The following PEX14 variants were observed in gnomAD, a reference collection of about 807,000 sequenced individuals.
PEX14 encodes the protein peroxisomal membrane protein PEX14.
PEX14 carries 15 observed loss-of-function variants against 49.5 expected under a neutral mutation model. The ratio of observed to expected loss-of-function variants is 0.30; its 90% CI spans 0.20 to 0.47. The LOEUF (loss-of-function observed/expected upper bound fraction) is 0.47, where lower values mean the gene tolerates loss of function less well. PEX14 is among the 20% of genes least tolerant of loss of function. PEX14 has a pLI of 1.00. For missense variants in PEX14, 398 were observed against 494.8 expected, an observed-to-expected ratio of 0.80 and a Z score of 1.86; for synonymous variants, 210 against 212.7, an observed-to-expected ratio of 0.99 and a Z score of 0.11.
Position 10,629,652 on chromosome 1 carries a change from G to T in PEX14, c.799G>T (p.Val267Phe). 3.1e-6 allele frequency: 5 copies of T among 1,613,992 alleles called. No homozygotes were observed. The highest frequency in any genetic ancestry group is 4.2e-6 in the Non-Finnish European group (5 of 1,179,968). Residue 267 changes from valine (V) to phenylalanine (F), a missense_variant, in exon 9 of 9, where the codon GTC becomes TTC. Around this residue, in one of 3 missense-constraint regions of PEX14, gnomAD observed 202 missense variants for 298.5 expected, o/e 0.68. Transcript: ENST00000356607. This position sits in a 1 kb window ranked among gnomAD's most constrained non-coding sequence, Gnocchi z 8.5. ...CCACAGCAGCAGCGACATCTCACCTGTCAGCAACGAGTCCACGTCGTCCTC... is the reference window on the plus strand; with the variant it reads ...CCACAGCAGCAGCGACATCTCACCTTTCAGCAACGAGTCCACGTCGTCCTC... ...NHHSSSDISP[V>F]SNESTSSSPG...
chr1:10,543,930 A>G (rs1223446827), intron 3 of PEX14, among the ~76,000 whole-genome samples: 6 of 152,296 alleles, frequency 3.9e-5, no homozygotes, highest in Admixed American at 3.9e-4. Context: ...TGTTTGAGGA[A>G]GTTTACTCTC....
chr1:10,570,735 G>C (rs1021845724), intron 3 of PEX14, among the ~76,000 whole-genome samples: 1 of 151,998 alleles, frequency 6.6e-6, no homozygotes, highest in Admixed American at 6.6e-5. Flanking sequence ...TGGAGCATCT[G>C]TGGGCATGAG....
chr1:10,534,578 T>A (rs966448839), intron 2 of PEX14, among the ~76,000 whole-genome samples: 2 of 152,230 alleles, frequency 1.3e-5, no homozygotes, highest in African/African-American at 4.8e-5. Context: ...TGAGGCGATC[T>A]GGTTGAGTAT....
chr1:10,523,360 T>C (rs556414232), intron 2 of PEX14, among the ~76,000 whole-genome samples: 36 of 152,300 alleles, frequency 2.4e-4, no homozygotes, highest in African/African-American at 8.7e-4. Flanking sequence ...GTCTCCTCCT[T>C]CTCTGTTGGT....
intron 2 of PEX14, among the ~76,000 whole-genome samples, chr1:10,530,146 G>A (rs1019421224): frequency 6.6e-6 from 1 of 152,066 alleles, no homozygotes; most frequent in Non-Finnish European, 1.5e-5. Context: ...AGATAAATGG[G>A]CTAAAATTGC....
intron 3 of PEX14, among the ~76,000 whole-genome samples, chr1:10,581,062 A>T (rs1200401348): frequency 6.6e-6 from 1 of 152,140 alleles, no homozygotes; most frequent in East Asian, 1.9e-4. Flanking sequence ...TAAGTGTCCT[A>T]TTGATATGAG....
At chr1:10,590,418 T>C (rs572769185) in intron 3 of PEX14, among the ~76,000 whole-genome samples, 47 of 152,232 alleles carry the variant, frequency 3.1e-4, no homozygotes, top group Non-Finnish European at 6.2e-4. Flanking sequence ...TGTGTGCTTT[T>C]CTTTATTTTC....
rs10864459 is a variant in PEX14 at position 10,503,552 on chromosome 1, A to G, written c.84+8231A>G. ...AAATGTTTTTCTTTTGATTAAAATC[A>G]GTCATCAGTTTCAAAGAATTTTCAT... On this transcript the variant is annotated intron_variant, in intron 2 of 8. Transcript: ENST00000356607. 0.6 allele frequency among the ~76,000 whole-genome samples: 91,394 copies of G among 151,404 alleles called. 28,574 individuals are homozygous for G. Among genetic ancestry groups the G allele is most frequent in the South Asian group, 0.72 (3,471 of 4,802 alleles).
At chr1:10,508,597 A>G (rs1444555850) in intron 2 of PEX14, among the ~76,000 whole-genome samples, 2 of 152,062 alleles carry the variant, frequency 1.3e-5, no homozygotes, top group Admixed American at 6.5e-5. Flanking sequence ...TGCACCTCCT[A>G]CTGTGCCCTC....
At chr1:10,496,728 G>T (rs1057131398) in intron 2 of PEX14, among the ~76,000 whole-genome samples, 6 of 151,636 alleles carry the variant, frequency 4.0e-5, no homozygotes, top group African/African-American at 1.2e-4. Context: ...TCTGTGCCCT[G>T]CTCTTCCTGC....
At chr1:10,493,721 T>C (rs1641509850) in intron 1 of PEX14, among the ~76,000 whole-genome samples, 1 of 152,058 alleles carries the variant, frequency 6.6e-6, no homozygotes, top group Non-Finnish European at 1.5e-5. Context: ...CTTCCATGGA[T>C]ATTGAGGAAG....
intron 3 of PEX14, among the ~76,000 whole-genome samples, chr1:10,556,389 TG>T (rs984450294): frequency 6.6e-6 from 1 of 152,038 alleles, no homozygotes; most frequent in Non-Finnish European, 1.5e-5. Context: ...GGACTTGGGT[TG>T]GGGGGTGCCT....
intron 1 of PEX14, among the ~76,000 whole-genome samples, chr1:10,476,490 C>T (rs1557800761): frequency 6.6e-6 from 1 of 152,122 alleles, no homozygotes; most frequent in Non-Finnish European, 1.5e-5. Context: ...TGAAGGGTGT[C>T]CTCAGTTCCT....
At chr1:10,533,133 T>C (rs1018673846) in intron 2 of PEX14, among the ~76,000 whole-genome samples, 22 of 152,088 alleles carry the variant, frequency 1.4e-4, no homozygotes, top group African/African-American at 5.3e-4. Context: ...GGTTTTCATA[T>C]GTTCACACTT....
chr1:10,618,841 C>T (rs1267774481), intron 5 of PEX14, among the ~76,000 whole-genome samples: 1 of 152,252 alleles, frequency 6.6e-6, no homozygotes, highest in Non-Finnish European at 1.5e-5. Flanking sequence ...GCTTGGTGAT[C>T]ACAGGCTCTG....
intron 3 of PEX14, among the ~76,000 whole-genome samples, chr1:10,568,573 G>A (rs921699969): frequency 2.6e-5 from 4 of 151,998 alleles, no homozygotes; most frequent in South Asian, 2.1e-4. Flanking sequence ...TTTTTTAAAT[G>A]TGCTAGATTC....
chr1:10,525,140 C>T (rs1030912588), intron 2 of PEX14, among the ~76,000 whole-genome samples: 5 of 152,240 alleles, frequency 3.3e-5, no homozygotes, highest in Admixed American at 3.3e-4. Context: ...TGGATTTCCT[C>T]ACTGAGCTGA....
At chr1:10,563,322 G>T (rs1297387902) in intron 3 of PEX14, among the ~76,000 whole-genome samples, 2 of 151,682 alleles carry the variant, frequency 1.3e-5, no homozygotes, top group African/African-American at 4.8e-5. Flanking sequence ...ATTTCAGGCC[G>T]GGCGCGGTTG....
intron 1 of PEX14, among the ~76,000 whole-genome samples, chr1:10,485,820 A>G (rs1641357872): frequency 6.8e-6 from 1 of 147,008 alleles, no homozygotes; most frequent in Non-Finnish European, 1.5e-5. Flanking sequence ...CAGTGGCGTG[A>G]TCTTGGCGCA....
Sources: allele counts gnomAD v4.1 joint callset (sites outside exome capture counted in the v4.1 genomes callset), GRCh38; gene constraint gnomAD v4.1.1; regional missense constraint gnomAD v4.1.1; non-coding constraint Gnocchi (gnomAD v3.1); transcripts MANE v1.5; gene names NCBI Gene and HGNC (gene_info 2026-07-23, HGNC 2026-07-21).